Variants in HYAL4 observed in about 807,000 individuals in gnomAD.
The protein encoded by HYAL4 is hyaluronidase-4.
HYAL4 carries 37 observed loss-of-function variants against 35.2 expected under a neutral mutation model. The ratio of observed to expected loss-of-function variants is 1.05; its 90% CI spans 0.81 to 1.38. The LOEUF is 1.38. Ranked by LOEUF, HYAL4 falls within the 40% of genes most tolerant of loss-of-function variation. The pLI is 0.00. For synonymous variants in HYAL4, 198 were observed against 203.2 expected, an observed-to-expected ratio of 0.97 and a Z score of 0.22; for missense variants, 572 against 572.4, an observed-to-expected ratio of 1.00 and a Z score of 0.01.
the HYAL4 span, among the ~76,000 whole-genome samples, chr7:123,785,435 G>A: frequency 1.3e-5 from 2 of 152,116 alleles, no homozygotes; most frequent in East Asian, 3.9e-4. The surrounding 1 kb of genome is among the most constrained non-coding windows in gnomAD (Gnocchi z 4.5). Context: ...CACTTGGCTA[G>A]CTAGCCACTC....
the HYAL4 span, among the ~76,000 whole-genome samples, chr7:123,810,189 G>T: frequency 0.1 from 15,418 of 152,146 alleles, 1,009 homozygotes; most frequent in Non-Finnish European, 0.14. Flanking sequence ...TGAAGTGTGG[G>T]TATCAGTGGC....
At chr7:123,823,354 A>T in the HYAL4 span, among the ~76,000 whole-genome samples, 1 of 152,122 alleles carries the variant, frequency 6.6e-6, no homozygotes, top group African/African-American at 2.4e-5. Context: ...TTGGGTTGCT[A>T]TTATTTTGTT....
At chr7:123,781,925 G>A in the HYAL4 span, among the ~76,000 whole-genome samples, 1 of 151,876 alleles carries the variant, frequency 6.6e-6, no homozygotes, top group Non-Finnish European at 1.5e-5. Context: ...CTTTTTCTTC[G>A]AGGTAGGGTT....
intron 2 of HYAL4, among the ~76,000 whole-genome samples, chr7:123,862,857 C>G (rs769022801): frequency 6.6e-6 from 1 of 152,148 alleles, no homozygotes; most frequent in Admixed American, 6.5e-5. Flanking sequence ...CAAAGCCCAC[C>G]ACATCTTTCC....
rs1425220699 is a variant in HYAL4, at chr7:123,868,573, G to A, written c.300G>A (p.Trp100Ter). ...FYVNRLGYYP[W>*]YTSQGVPING... ...TCAACAGATTGGGATACTATCCGTG[G>A]TATACATCACAAGGGGTCCCCATTA... The change falls in exon 3 of 5, where the codon TGG becomes TGA. Residue 100 changes from tryptophan to a stop codon, truncating the protein, a stop_gained. Coordinates refer to ENST00000223026, the MANE Select transcript of HYAL4 (RefSeq NM_012269.3). LOFTEE classifies it high-confidence loss of function. 6.2e-7 allele frequency: 1 copy of A among 1,614,056 alleles called. No individual in the cohort carries two copies. The highest frequency in any genetic ancestry group is 1.7e-5 in the Admixed American group (1 of 60,004).
chr7:123,798,255 T>G, the HYAL4 span, among the ~76,000 whole-genome samples: 30 of 152,206 alleles, frequency 2.0e-4, no homozygotes, highest in Admixed American at 5.2e-4. Flanking sequence ...TAAGGTCAAG[T>G]GATTACAGGT....
At chr7:123,836,464 A>G (rs6971730) in intron 1 of HYAL4, among the ~76,000 whole-genome samples, 3,199 of 152,188 alleles carry the variant, frequency 0.021, 105 homozygotes, top group African/African-American at 0.073. Context: ...TTAAGTTTAT[A>G]TGAGTCCTTA....
At chr7:123,809,214 C>G in the HYAL4 span, among the ~76,000 whole-genome samples, 1 of 152,072 alleles carries the variant, frequency 6.6e-6, no homozygotes, top group Non-Finnish European at 1.5e-5. Context: ...CCCTGAAAAC[C>G]TGTCCATTAT....
the HYAL4 span, among the ~76,000 whole-genome samples, chr7:123,771,370 T>TA: frequency 3.9e-5 from 6 of 152,188 alleles, no homozygotes; most frequent in African/African-American, 1.4e-4. Context: ...TGCTGTATCT[T>TA]AGTACTAATG....
the HYAL4 span, among the ~76,000 whole-genome samples, chr7:123,769,008 G>GT: frequency 6.6e-6 from 1 of 152,146 alleles, no homozygotes; most frequent in Non-Finnish European, 1.5e-5. Context: ...ATTTTAAATT[G>GT]TATTTCTCAT....
In HYAL4 at chr7:123,869,635, C is replaced by A. The variant is rs867600604; in HGVS notation, c.954+408C>A. Among the ~76,000 whole-genome samples, 14 of 150,900 alleles carry A rather than the reference C, an allele frequency of 9.3e-5. No individual in the cohort carries two copies. The Middle Eastern group carries it at 0.01, about 113-fold the overall frequency. On this transcript the variant is annotated intron_variant, in intron 3 of 4. Transcript: ENST00000223026. Reference sequence around the variant, plus strand: ...ATGTGGAAGCAGAATTGTCTAGCCACTTAAACAAAAAAATTCTAGGGAAAG... The same window carrying A: ...ATGTGGAAGCAGAATTGTCTAGCCAATTAAACAAAAAAATTCTAGGGAAAG...
chr7:123,806,738 C>T, the HYAL4 span, among the ~76,000 whole-genome samples: 1 of 152,018 alleles, frequency 6.6e-6, no homozygotes, highest in Non-Finnish European at 1.5e-5. Flanking sequence ...AGGCATGAGC[C>T]ACCACGCCCG....
the HYAL4 span, among the ~76,000 whole-genome samples, chr7:123,813,155 T>G: frequency 6.6e-6 from 1 of 152,142 alleles, no homozygotes; most frequent in Admixed American, 6.5e-5. Flanking sequence ...TGAGAAACAA[T>G]GTATGATTCT....
chr7:123,829,916 G>T (rs1805854798), intron 1 of HYAL4, among the ~76,000 whole-genome samples: 1 of 152,126 alleles, frequency 6.6e-6, no homozygotes, highest in Non-Finnish European at 1.5e-5. Flanking sequence ...ACAATGAGGG[G>T]TAAAATGATT....
upstream of HYAL4, among the ~76,000 whole-genome samples, chr7:123,828,120 C>T (rs1805827146): frequency 6.6e-6 from 1 of 152,104 alleles, no homozygotes; most frequent in Non-Finnish European, 1.5e-5. Context: ...CAATGGTAGA[C>T]TTGTGGGAAG....
Position 123,874,775 on chromosome 7 carries a change from C to T in HYAL4, c.969C>T (p.Ser323=). 2 of 1,600,386 alleles carry T rather than the reference C, an allele frequency of 1.2e-6. No homozygotes were observed. The highest frequency in any genetic ancestry group is 1.7e-6 in the Non-Finnish European group (2 of 1,167,492). ...LFFLSKQDLV[S]TIGESAALGA... is the part of the protein sequence containing the mutation. The stretch of plus-strand genomic sequence containing the variant: ...CTTCAATCTAGCAAGATCTAGTCAG[C>T]ACCATAGGAGAAAGTGCTGCCTTGG... Residue 323 remains serine (S), a synonymous_variant, in exon 4 of 5, where the codon AGC becomes AGT. Coordinates refer to ENST00000223026, the MANE Select transcript of HYAL4 (RefSeq NM_012269.3).
In HYAL4 at chr7:123,868,605, G is replaced by A; in HGVS notation, c.332G>A (p.Gly111Asp). Residue 111 changes from glycine to aspartate, a missense_variant, in exon 3 of 5, where the codon GGT becomes GAT. Transcript: ENST00000223026. ...TCACAAGGGGTCCCCATTAATGGAG[G>A]TCTCCCACAGAACATAAGTTTACAA... Reference protein sequence around the residue: ...YTSQGVPINGGLPQNISLQVH... With the variant: ...YTSQGVPINGDLPQNISLQVH... 1 of 1,614,138 alleles carries A rather than the reference G, an allele frequency of 6.2e-7. No individual in the cohort carries two copies. The highest frequency in any genetic ancestry group is 1.1e-5 in the South Asian group (1 of 91,076).
chr7:123,837,458 G>C (rs1165349503), intron 1 of HYAL4, among the ~76,000 whole-genome samples: 1 of 152,122 alleles, frequency 6.6e-6, no homozygotes, highest in Non-Finnish European at 1.5e-5. Context: ...CAATTAATCT[G>C]AAACTCCAAC....
At chr7:123,862,229 C>T (rs533259644) in intron 2 of HYAL4, among the ~76,000 whole-genome samples, 1 of 152,192 alleles carries the variant, frequency 6.6e-6, no homozygotes, top group East Asian at 1.9e-4. Flanking sequence ...TCATTGGCAA[C>T]AAAATATCAC....
Sources: allele counts gnomAD v4.1 joint callset (sites outside exome capture counted in the v4.1 genomes callset), GRCh38; gene constraint gnomAD v4.1.1; non-coding constraint Gnocchi (gnomAD v3.1); transcripts MANE v1.5; gene names NCBI Gene and HGNC (gene_info 2026-07-23, HGNC 2026-07-21).